TOP1: variants seen among roughly 807,000 people sequenced by gnomAD.
TOP1 encodes the protein DNA topoisomerase I.
In TOP1, 10 loss-of-function variants were observed where a neutral mutation model predicts 111.1. The observed-to-expected ratio is 0.09, with a 90% confidence interval of 0.06 to 0.15. TOP1 has a LOEUF of 0.15. Among genes scored for constraint, TOP1 ranks in the 10% least tolerant of loss-of-function variants. The pLI is 1.00. For synonymous variants in TOP1, 271 were observed against 302.9 expected (o/e 0.89, Z 1.10); for missense variants, 474 against 926.7 (o/e 0.51, Z 6.34).
rs1317532372 is a variant in TOP1, at chr20:41,110,253, C to T, written c.1309-2529C>T. 6.6e-6 allele frequency among the ~76,000 whole-genome samples: 1 copy of T among 152,064 alleles called. No homozygotes were observed. The highest frequency in any genetic ancestry group is 1.5e-5 in the Non-Finnish European group (1 of 68,020). On this transcript the variant is annotated intron_variant, in intron 13 of 20. Coordinates refer to ENST00000361337, the MANE Select transcript of TOP1 (RefSeq NM_003286.4). This position sits in a 1 kb window ranked among gnomAD's most constrained non-coding sequence, Gnocchi z 4.2. ...TGAGCCGAGATTGCATCACTGTACT[C>T]CAGCCTGGTGACAGAGCGAGACGCT...
intron 6 of TOP1, 69 bp from the exon 7 acceptor site, chr20:41,081,096 A>G (rs996003887): frequency 5.5e-6 from 8 of 1,465,912 alleles, no homozygotes; most frequent in Non-Finnish European, 7.3e-6. Context: ...AAGAGTTTGT[A>G]GGTCTCCTAT....
At chr20:41,044,300 A>G (rs1013372626) in intron 2 of TOP1, among the ~76,000 whole-genome samples, 1 of 152,182 alleles carries the variant, frequency 6.6e-6, no homozygotes, top group Non-Finnish European at 1.5e-5. Context: ...AAGAAATGCA[A>G]TTGCCCATCT....
intron 3 of TOP1, among the ~76,000 whole-genome samples, chr20:41,065,552 C>T (rs2033596855): frequency 6.6e-6 from 1 of 152,110 alleles, no homozygotes; most frequent in South Asian, 2.1e-4. Context: ...CATTCTGTTC[C>T]CCTGTCCCAA....
chr20:41,031,710 C>T (rs1230522912), intron 2 of TOP1, among the ~76,000 whole-genome samples: 1 of 152,204 alleles, frequency 6.6e-6, no homozygotes, highest in Non-Finnish European at 1.5e-5. Flanking sequence ...AGTGTATTTA[C>T]TAGCTTGCCC....
intron 2 of TOP1, among the ~76,000 whole-genome samples, chr20:41,041,973 A>G (rs1002661965): frequency 1.1e-4 from 16 of 152,088 alleles, no homozygotes. Context: ...CAGTGACACG[A>G]TCTGGGCTTG....
Position 41,098,084 on chromosome 20 carries a change from A to T in TOP1, c.853-131A>T. ...TTTTTTTGTTTTTTCAAAATTCATTAATTGAGATTGGCTACTTCCAGAAAC... is the reference window on the plus strand; with the variant it reads ...TTTTTTTGTTTTTTCAAAATTCATTTATTGAGATTGGCTACTTCCAGAAAC... On this transcript the variant is annotated intron_variant, in intron 10 of 20. Coordinates refer to ENST00000361337, the MANE Select transcript of TOP1 (RefSeq NM_003286.4). The surrounding 1 kb of genome is among the most constrained non-coding windows in gnomAD (Gnocchi z 5.7). 1 of 853,188 alleles carries T rather than the reference A, an allele frequency of 1.2e-6. No individual in the cohort carries two copies. The highest frequency in any genetic ancestry group is 1.9e-6 in the Non-Finnish European group (1 of 533,922). 52.9% of individuals were successfully genotyped at this position (853,188 alleles called of 1,614,324 possible). A position where few individuals can be genotyped will look rare whatever the true frequency, so the allele number is the denominator to read the frequency against.
intron 3 of TOP1, among the ~76,000 whole-genome samples, chr20:41,066,444 A>G (rs1000643120): frequency 2.0e-5 from 3 of 152,146 alleles, no homozygotes; most frequent in African/African-American, 7.2e-5. Flanking sequence ...GAACTGCTCT[A>G]CAGATGTGCA....
intron 17 of TOP1, among the ~76,000 whole-genome samples, chr20:41,117,604 C>G (rs1473888587): frequency 1.3e-5 from 2 of 151,820 alleles, no homozygotes; most frequent in Non-Finnish European, 2.9e-5. Context: ...CCAGGATGGT[C>G]TCGATCTCCT....
chr20:41,091,917 G>C (rs1204790040), intron 8 of TOP1, among the ~76,000 whole-genome samples: 2 of 152,058 alleles, frequency 1.3e-5, no homozygotes, highest in Non-Finnish European at 1.5e-5. Context: ...TCAAAAAGTT[G>C]TTCCCACTGA....
In TOP1 at chr20:41,076,285, A is replaced by G. The variant is rs145530164; in HGVS notation, c.270A>G (p.Lys90=). 1.6e-5 allele frequency: 26 copies of G among 1,609,216 alleles called. No individual in the cohort carries two copies. The highest frequency in any genetic ancestry group is 2.1e-5 in the Non-Finnish European group (25 of 1,178,498). The change falls in exon 4 of 21, where the codon AAA becomes AAG. Residue 90 remains lysine, a synonymous_variant. Transcript: ENST00000361337. ...KHKDRDKEKR[K]EEKVRASGDA... ...AAGACAGAGACAAGGAAAAACGAAA[A>G]GAGGAAAAGGTACAGAGTTTTCTAG...
In TOP1 at chr20:41,122,273, GA is replaced by G; in HGVS notation, c.2195+121del. 4 of 1,079,442 alleles carry G rather than the reference GA, an allele frequency of 3.7e-6. No homozygotes were observed. The South Asian group carries it at 4.5e-5, about 12-fold the overall frequency. 66.9% of individuals were successfully genotyped at this position (1,079,442 alleles called of 1,614,324 possible). A position where few individuals can be genotyped will look rare whatever the true frequency, so the allele number is the denominator to read the frequency against. ...AAGCTACACACTTTAGTCCTCTGGG[GA>G]AACTTCTGGCTTCAGCTGTGTACAA... On this transcript the variant is annotated intron_variant, in intron 20 of 20. Coordinates refer to ENST00000361337, the MANE Select transcript of TOP1 (RefSeq NM_003286.4). This position sits in a 1 kb window ranked among gnomAD's most constrained non-coding sequence, Gnocchi z 5.4.
rs754869787 is a variant in TOP1, at chr20:41,102,721, CAT to C, written c.1308+1369_1308+1370del. Reference sequence around the variant, plus strand: ...TGAGCAGACTAGTCATTTAAAGAAACATGTATTCCTCTTCTGAAGTATCGCAA... The same window carrying C: ...TGAGCAGACTAGTCATTTAAAGAAACGTATTCCTCTTCTGAAGTATCGCAA... On this transcript the variant is annotated intron_variant, in intron 13 of 20. Coordinates refer to ENST00000361337, the MANE Select transcript of TOP1 (RefSeq NM_003286.4). This position sits in a 1 kb window ranked among gnomAD's most constrained non-coding sequence, Gnocchi z 4.0. 5.3e-5 allele frequency among the ~76,000 whole-genome samples: 8 copies of C among 152,172 alleles called. No homozygotes were observed. The highest frequency in any genetic ancestry group is 1.9e-4 in the East Asian group (1 of 5,202).
chr20:41,084,696 G>T, intron 8 of TOP1, 128 bp downstream of exon 8: 1 of 582,978 alleles, frequency 1.7e-6, no homozygotes, highest in Non-Finnish European at 2.9e-6. Context: ...TTTCTCTAGA[G>T]TAACTTTCTG....
intron 3 of TOP1, among the ~76,000 whole-genome samples, chr20:41,068,768 G>A (rs182113933): frequency 6.6e-6 from 1 of 152,258 alleles, no homozygotes; most frequent in African/African-American, 2.4e-5. Flanking sequence ...TAGCTTGTAG[G>A]ATCTCACGAG....
At chr20:41,051,961 C>T (rs1412003968) in intron 2 of TOP1, among the ~76,000 whole-genome samples, 1 of 152,172 alleles carries the variant, frequency 6.6e-6, no homozygotes, top group Non-Finnish European at 1.5e-5. Context: ...GCCAGGAATT[C>T]TGTTACAACT....
At chr20:41,087,905 C>T (rs996086231) in intron 8 of TOP1, among the ~76,000 whole-genome samples, 6 of 146,044 alleles carry the variant, frequency 4.1e-5, no homozygotes, top group African/African-American at 7.3e-5. Context: ...GAAGCCATTT[C>T]GATGTCTAAG....
chr20:41,050,318 C>T (rs1212703648), intron 2 of TOP1, among the ~76,000 whole-genome samples: 2 of 152,170 alleles, frequency 1.3e-5, no homozygotes, highest in Non-Finnish European at 2.9e-5. Flanking sequence ...GCTCCCAGCC[C>T]TCATTCATCA....
At position 41,122,261 on chromosome 20, in the gene TOP1, T is replaced by C; in HGVS notation, c.2195+106T>C. The C allele has an allele frequency of 1.6e-6, 2 of 1,220,922 alleles. No homozygotes were observed. The highest frequency in any genetic ancestry group is 2.8e-5 in the South Asian group (2 of 70,590). The allele number at this position is 1,220,922 out of a possible 1,614,324, so 75.6% of individuals were successfully genotyped here. A position where few individuals can be genotyped will look rare whatever the true frequency, so the allele number is the denominator to read the frequency against. ...CATGCCATTCCTAAGCTACACACTT[T>C]AGTCCTCTGGGGAAACTTCTGGCTT... On this transcript the variant is annotated intron_variant, in intron 20 of 20. Coordinates refer to ENST00000361337, the MANE Select transcript of TOP1 (RefSeq NM_003286.4). This position sits in a 1 kb window ranked among gnomAD's most constrained non-coding sequence, Gnocchi z 5.4.
intron 2 of TOP1, among the ~76,000 whole-genome samples, chr20:41,042,475 T>G (rs1261871127): frequency 6.6e-6 from 1 of 152,232 alleles, no homozygotes; most frequent in African/African-American, 2.4e-5. Flanking sequence ...GGGTTTGTTT[T>G]CATACTAATA....
Sources: gnomAD v4.1 joint callset for allele counts (sites outside exome capture counted in the v4.1 genomes callset) on GRCh38, gnomAD v4.1.1 for gene constraint, Gnocchi (gnomAD v3.1) non-coding constraint, MANE v1.5 for transcripts, NCBI Gene and HGNC (gene_info 2026-07-23, HGNC 2026-07-21) for gene names.